MSANTD3: variants seen among roughly 807,000 people sequenced by gnomAD.
The protein encoded by MSANTD3 is myb/SANT-like DNA-binding domain-containing protein 3.
A neutral mutation model predicts 27.7 loss-of-function variants in MSANTD3; 11 were observed. The ratio of observed to expected loss-of-function variants is 0.40; its 90% CI spans 0.25 to 0.66. The LOEUF is 0.66. Among genes scored for constraint, MSANTD3 ranks in the 30% least tolerant of loss-of-function variants. MSANTD3 has a pLI of 0.41. For synonymous variants in MSANTD3, 131 were observed against 127.2 expected (o/e 1.03, Z -0.20); for missense variants, 250 against 336.5 (o/e 0.74, Z 2.01).
intron 2 of MSANTD3, chr9:100,449,145 G>A (rs1329810004): frequency 1.3e-5 from 13 of 985,284 alleles, no homozygotes; most frequent in Non-Finnish European, 1.6e-5. Flanking sequence ...TCTCAAGAAA[G>A]CCTTAGAGTC....
intron 1 of MSANTD3, among the ~76,000 whole-genome samples, chr9:100,434,995 G>GCA (rs1361163413): frequency 6.7e-6 from 1 of 150,244 alleles, no homozygotes; most frequent in Non-Finnish European, 1.5e-5. Flanking sequence ...ACACACGTGC[G>GCA]CACACACACA....
At chr9:100,436,240 C>T (rs1365725327) in intron 1 of MSANTD3, among the ~76,000 whole-genome samples, 1 of 152,176 alleles carries the variant, frequency 6.6e-6, no homozygotes, top group East Asian at 1.9e-4. Flanking sequence ...CCTCTAACTC[C>T]TTGGCCCAAG....
intron 2 of MSANTD3, chr9:100,449,117 T>C (rs1287798170): frequency 1.0e-6 from 1 of 985,388 alleles, no homozygotes; most frequent in Non-Finnish European, 1.2e-6. Flanking sequence ...AGATGCTCGT[T>C]ATTGGAAATG....
intron 1 of MSANTD3, among the ~76,000 whole-genome samples, chr9:100,434,323 T>C (rs1386228783): frequency 6.6e-6 from 1 of 152,042 alleles, no homozygotes; most frequent in East Asian, 1.9e-4. Flanking sequence ...AGGTCAGGAG[T>C]TTGAGATCAG....
chr9:100,448,511 G>C (rs1836811350), intron 2 of MSANTD3: 5 of 985,280 alleles, frequency 5.1e-6, no homozygotes, highest in South Asian at 4.7e-5. Context: ...TACCCACACA[G>C]AGCACTGTTC....
In MSANTD3 at chr9:100,451,176, A is replaced by G; in HGVS notation, c.*210A>G. 2.0e-6 allele frequency: 1 copy of G among 505,360 alleles called. No homozygotes were observed. Among genetic ancestry groups the G allele is most frequent in the Non-Finnish European group, 3.4e-6 (1 of 291,102 alleles). The allele number at this position is 505,360 out of a possible 1,614,324, so 31.3% of individuals were successfully genotyped here. On this transcript the variant is annotated 3_prime_UTR_variant, in exon 3 of 3. Coordinates refer to ENST00000395067, the MANE Select transcript of MSANTD3 (RefSeq NM_080655.3). ...CTGTTATAGTCTTCTGAAAATTATC[A>G]CTATGAGTGCTATAATTCTGAATAT...
At chr9:100,448,444 C>T in intron 2 of MSANTD3, 1 of 985,338 alleles carries the variant, frequency 1.0e-6, no homozygotes, top group South Asian at 4.7e-5. Flanking sequence ...AAACTCACAC[C>T]TGAGGGCCCT....
intron 2 of MSANTD3, among the ~76,000 whole-genome samples, chr9:100,449,726 G>T (rs149466346): frequency 1.4e-3 from 216 of 152,250 alleles, no homozygotes; most frequent in African/African-American, 5.1e-3. Context: ...AGTTTACTTA[G>T]GGCAGATAAG....
rs1287962554 is a variant in MSANTD3, at chr9:100,441,896, C to T, written c.-33-10C>T. ...AGTTGGTAATCATTGCTTCAAACTT[C>T]CTTTTACAGGATAGCTAGCGGCCAG... is the stretch of plus-strand genomic sequence containing the variant. On this transcript the variant is annotated splice_polypyrimidine_tract_variant and intron_variant, in intron 1 of 2. Coordinates refer to ENST00000395067, the MANE Select transcript of MSANTD3 (RefSeq NM_080655.3). 2 of 1,544,472 alleles carry T rather than the reference C, an allele frequency of 1.3e-6. No individual in the cohort carries two copies. The highest frequency in any genetic ancestry group is 1.7e-6 in the Non-Finnish European group (2 of 1,147,166).
chr9:100,435,813 G>A (rs1214625759), intron 1 of MSANTD3, among the ~76,000 whole-genome samples: 1 of 152,144 alleles, frequency 6.6e-6, no homozygotes, highest in East Asian at 1.9e-4. Flanking sequence ...AACCTTAATT[G>A]CTTCCTCAGA....
chr9:100,448,254 A>C, intron 2 of MSANTD3: 1 of 984,892 alleles, frequency 1.0e-6, no homozygotes, highest in Non-Finnish European at 1.2e-6. Context: ...AGACAGCAGC[A>C]TTGTGAGGGG....
At chr9:100,434,499 C>T (rs1836434825) in intron 1 of MSANTD3, among the ~76,000 whole-genome samples, 1 of 152,132 alleles carries the variant, frequency 6.6e-6, no homozygotes, top group African/African-American at 2.4e-5. Context: ...CACTCTACTC[C>T]AGCCTGGGCG....
chr9:100,429,213 G>A (rs753872891), intron 1 of MSANTD3, among the ~76,000 whole-genome samples: 125 of 152,196 alleles, frequency 8.2e-4, no homozygotes, highest in Non-Finnish European at 1.5e-3. Context: ...GGTACGTAGC[G>A]ATGGTGAAGG....
At chr9:100,446,166 A>C (rs558228664) in intron 2 of MSANTD3, among the ~76,000 whole-genome samples, 1 of 152,316 alleles carries the variant, frequency 6.6e-6, no homozygotes, top group East Asian at 1.9e-4. Context: ...TTTATATTTA[A>C]TTTCACATTC....
chr9:100,430,070 C>T (rs1836334972), intron 1 of MSANTD3, among the ~76,000 whole-genome samples: 1 of 149,440 alleles, frequency 6.7e-6, no homozygotes, highest in Admixed American at 6.7e-5. Context: ...CTTATCTTTG[C>T]CCTGCTAGTC....
intron 1 of MSANTD3, among the ~76,000 whole-genome samples, chr9:100,431,674 T>C (rs1467863657): frequency 3.9e-5 from 6 of 152,104 alleles, no homozygotes; most frequent in Non-Finnish European, 1.5e-5. Context: ...AGATATAAAA[T>C]GTAGTTCCAT....
At chr9:100,436,399 A>G (rs1247769023) in intron 1 of MSANTD3, among the ~76,000 whole-genome samples, 1 of 152,202 alleles carries the variant, frequency 6.6e-6, no homozygotes, top group African/African-American at 2.4e-5. Flanking sequence ...ATCTGCATTT[A>G]TGAAATGTTT....
chr9:100,440,588 A>AC (rs1377067101), intron 1 of MSANTD3, among the ~76,000 whole-genome samples: 1 of 135,886 alleles, frequency 7.4e-6, no homozygotes, highest in African/African-American at 2.9e-5. Flanking sequence ...TGAAAACGTC[A>AC]AATTTTTTTT....
chr9:100,434,990 CGT>C (rs376892883), intron 1 of MSANTD3, among the ~76,000 whole-genome samples: 2 of 149,886 alleles, frequency 1.3e-5, no homozygotes, highest in African/African-American at 2.5e-5. Flanking sequence ...CACACACACA[CGT>C]GCGCACACAC....
Sources: allele counts gnomAD v4.1 joint callset (sites outside exome capture counted in the v4.1 genomes callset), GRCh38; gene constraint gnomAD v4.1.1; transcripts MANE v1.5; gene names NCBI Gene and HGNC (gene_info 2026-07-23, HGNC 2026-07-21).